Variants in BCL7C observed in about 807,000 individuals in gnomAD.
BCL7C encodes the protein B-cell CLL/lymphoma 7 protein family member C.
A neutral mutation model predicts 26.2 loss-of-function variants in BCL7C; 8 were observed. The observed-to-expected ratio is 0.30, with a 90% CI of 0.18 to 0.55. The LOEUF (loss-of-function observed/expected upper bound fraction) is 0.55. Ranked by LOEUF, BCL7C falls within the 20% of genes least tolerant of loss-of-function variation. The pLI is 0.93. For missense variants in BCL7C, 262 were observed against 298.5 expected (o/e 0.88, Z 0.90); for synonymous variants, 90 against 116.5 (o/e 0.77, Z 1.47).
At chr16:30,850,005 C>G (rs920934492) in intron 5 of BCL7C, among the ~76,000 whole-genome samples, 6 of 151,864 alleles carry the variant, frequency 4.0e-5, no homozygotes, top group South Asian at 2.1e-4. Flanking sequence ...GTCAGGAGAT[C>G]AAGACCATCC....
downstream of BCL7C, among the ~76,000 whole-genome samples, chr16:30,886,895 G>A (rs917016973): frequency 6.6e-6 from 1 of 152,162 alleles, no homozygotes; most frequent in Non-Finnish European, 1.5e-5. Flanking sequence ...TGAATAGGCT[G>A]GGCGCGGTGG....
At chr16:30,890,399 A>G (rs78725622) in intron 4 of BCL7C, among the ~76,000 whole-genome samples, 2 of 146,322 alleles carry the variant, frequency 1.4e-5, no homozygotes, top group African/African-American at 2.5e-5. Context: ...ATCTCAAAGG[A>G]AAAAAAAAAA....
rs559687110 is a variant in BCL7C at position 30,888,940 on chromosome 16, C to G, written c.448G>C (p.Gly150Arg). 2 of 1,613,912 alleles carry G rather than the reference C, an allele frequency of 1.2e-6. No individual in the cohort carries two copies. Among genetic ancestry groups the G allele is most frequent in the South Asian group, 1.1e-5 (1 of 91,068 alleles). Residue 150 changes from glycine (G) to arginine (R), a missense_variant, in exon 5 of 6, where the codon GGG (glycine) becomes CGG (arginine). Physicochemically the swap from Gly to Arg is moderately radical, Grantham distance 125 (BLOSUM62 -2). Transcript: ENST00000215115. ...PPRLGQERDP[G>R]GITAGSTDEP... ...TCGGTGCTGCCAGCAGTTATGCCCC[C>G]GGGATCTGGAACGTCAAGGTAACAA... is the stretch of plus-strand genomic sequence containing the variant.
intron 5 of BCL7C, among the ~76,000 whole-genome samples, chr16:30,850,178 C>G (rs2054663820): frequency 6.8e-6 from 1 of 146,852 alleles, no homozygotes; most frequent in African/African-American, 2.6e-5. Context: ...TCACTGCACT[C>G]CAGCCTGGGT....
downstream of BCL7C, among the ~76,000 whole-genome samples, chr16:30,884,685 A>G (rs2055103311): frequency 6.6e-6 from 1 of 151,934 alleles, no homozygotes; most frequent in East Asian, 1.9e-4. Context: ...TTTAGTAGAG[A>G]CAGGGTTTCA....
At chr16:30,892,434 G>T in intron 4 of BCL7C, 152 bp downstream of exon 4, 1 of 642,420 alleles carries the variant, frequency 1.6e-6, no homozygotes, top group Non-Finnish European at 2.6e-6. Context: ...AGAGGAATGA[G>T]ACTGTAGCTA....
downstream of BCL7C, among the ~76,000 whole-genome samples, chr16:30,884,224 A>G (rs4889651): frequency 0.75 from 113,818 of 151,458 alleles, 43,326 homozygotes; most frequent in East Asian, 0.91. Flanking sequence ...ACCAGGAGAG[A>G]GTCAAGAATG....
chr16:30,857,855 C>G (rs2054736331), intron 5 of BCL7C, among the ~76,000 whole-genome samples: 1 of 151,698 alleles, frequency 6.6e-6, no homozygotes, highest in Non-Finnish European at 1.5e-5. Flanking sequence ...CCTGTAATCC[C>G]AGCTACTCGG....
At chr16:30,835,030 G>A (rs746313841) in exon 6 of BCL7C, 11 of 1,549,390 alleles carry the variant, frequency 7.1e-6, no homozygotes, top group African/African-American at 5.5e-5. Context: ...GTCCGGCACC[G>A]CCATGGAACT....
intron 4 of BCL7C, among the ~76,000 whole-genome samples, chr16:30,891,326 G>A (rs1042348149): frequency 3.3e-5 from 5 of 152,026 alleles, no homozygotes; most frequent in Admixed American, 1.3e-4. Context: ...GCCGAGCATG[G>A]TGGTTCATGC....
At chr16:30,849,980 T>C (rs982545813) in intron 5 of BCL7C, among the ~76,000 whole-genome samples, 228 of 151,516 alleles carry the variant, frequency 1.5e-3, no homozygotes, top group African/African-American at 4.6e-3. Flanking sequence ...GAGGCCAAGG[T>C]GGGCAGATCA....
At chr16:30,857,857 G>C (rs2054736357) in intron 5 of BCL7C, among the ~76,000 whole-genome samples, 1 of 151,772 alleles carries the variant, frequency 6.6e-6, no homozygotes, top group Admixed American at 6.6e-5. Context: ...TGTAATCCCA[G>C]CTACTCGGGA....
At position 30,893,065 on chromosome 16, in the gene BCL7C, G is replaced by A; in HGVS notation, c.172-117C>T. 1.6e-6 allele frequency: 2 copies of A among 1,234,736 alleles called. No homozygotes were observed. The highest frequency in any genetic ancestry group is 2.3e-6 in the Non-Finnish European group (2 of 872,372). 76.5% of individuals were successfully genotyped at this position (1,234,736 alleles called of 1,614,324 possible). On this transcript the variant is annotated intron_variant, in intron 2 of 5. Transcript: ENST00000215115. The surrounding 1 kb of genome is among the most constrained non-coding windows in gnomAD (Gnocchi z 5.2). ...TCAGGGGGTGTGGAGCAGAAAAGAGGGCAAAAGGGGAGGAGCTGCTAATGA... is the reference window on the plus strand; with the variant it reads ...TCAGGGGGTGTGGAGCAGAAAAGAGAGCAAAAGGGGAGGAGCTGCTAATGA...
At chr16:30,858,290 T>A (rs1298089983) in intron 5 of BCL7C, among the ~76,000 whole-genome samples, 1 of 152,196 alleles carries the variant, frequency 6.6e-6, no homozygotes, top group Admixed American at 6.5e-5. Context: ...GCTCCTTGAT[T>A]GAAGGAGATA....
intron 5 of BCL7C, among the ~76,000 whole-genome samples, chr16:30,872,479 C>G (rs568034731): frequency 2.0e-5 from 3 of 152,228 alleles, no homozygotes; most frequent in Non-Finnish European, 4.4e-5. Context: ...CACGTTCACA[C>G]ACACCCTCAT....
At chr16:30,850,514 A>G (rs549986843) in intron 5 of BCL7C, among the ~76,000 whole-genome samples, 2 of 152,306 alleles carry the variant, frequency 1.3e-5, no homozygotes, top group Non-Finnish European at 2.9e-5. Context: ...TGCTACTACA[A>G]ATCTAGACTA....
intron 5 of BCL7C, among the ~76,000 whole-genome samples, chr16:30,879,130 T>A (rs1040389395): frequency 1.1e-4 from 17 of 152,160 alleles, no homozygotes; most frequent in African/African-American, 3.9e-4. Flanking sequence ...CATCCCAGTT[T>A]GCTCAAGACT....
chr16:30,870,004 T>G (rs1442832567), intron 5 of BCL7C, among the ~76,000 whole-genome samples: 1 of 152,216 alleles, frequency 6.6e-6, no homozygotes, highest in Admixed American at 6.5e-5. Context: ...TCCATGTGTA[T>G]GAATACATGC....
At chr16:30,837,539 G>T (rs569950455) in intron 5 of BCL7C, among the ~76,000 whole-genome samples, 1 of 152,132 alleles carries the variant, frequency 6.6e-6, no homozygotes, top group Admixed American at 6.5e-5. Context: ...GTAGAGATGG[G>T]GTTTCACCAT....
Sources: gnomAD v4.1 joint callset for allele counts (sites outside exome capture counted in the v4.1 genomes callset) on GRCh38, gnomAD v4.1.1 for gene constraint, Gnocchi (gnomAD v3.1) non-coding constraint, MANE v1.5 for transcripts, NCBI Gene and HGNC (gene_info 2026-07-23, HGNC 2026-07-21) for gene names.